SYT14: variants seen among roughly 807,000 people sequenced by gnomAD.
SYT14 encodes synaptotagmin-14.
A neutral mutation model predicts 74.2 loss-of-function variants in SYT14; 32 were observed. The ratio of observed to expected loss-of-function variants is 0.43; its 90% CI spans 0.33 to 0.58. The LOEUF (loss-of-function observed/expected upper bound fraction) is 0.58. Ranked by LOEUF, SYT14 falls within the 20% of genes least tolerant of loss-of-function variation. The pLI is 0.05. For missense variants in SYT14, 791 were observed against 981.8 expected (o/e 0.81, Z 2.60); for synonymous variants, 298 against 337.7 (o/e 0.88, Z 1.29).
At chr1:210,061,705 A>G (rs1020909827) in intron 5 of SYT14, among the ~76,000 whole-genome samples, 25 of 151,920 alleles carry the variant, frequency 1.6e-4, no homozygotes, top group African/African-American at 6.0e-4. Flanking sequence ...AGGAATTTAA[A>G]TGAAACTAAC....
chr1:210,085,326 A>G (rs1558179082), intron 5 of SYT14, among the ~76,000 whole-genome samples: 1 of 152,186 alleles, frequency 6.6e-6, no homozygotes, highest in East Asian at 1.9e-4. Context: ...TCTGAGACTA[A>G]TGACTGTTAT....
intron 6 of SYT14, among the ~76,000 whole-genome samples, chr1:210,099,537 G>A (rs937258134): frequency 6.6e-6 from 1 of 152,004 alleles, no homozygotes; most frequent in African/African-American, 2.4e-5. Context: ...TTTTATTACA[G>A]ATGGGGGTGT....
At chr1:209,969,143 C>A (rs1233306056) in intron 2 of SYT14, among the ~76,000 whole-genome samples, 1 of 152,082 alleles carries the variant, frequency 6.6e-6, no homozygotes, top group Non-Finnish European at 1.5e-5. Context: ...ATTCAATCCA[C>A]TGTTGATGGG....
At chr1:210,136,360 C>G (rs1272326732) in intron 7 of SYT14, among the ~76,000 whole-genome samples, 2 of 151,988 alleles carry the variant, frequency 1.3e-5, no homozygotes, top group Non-Finnish European at 2.9e-5. Context: ...GAGAATGGAA[C>G]TGGGTCAGCT....
intron 4 of SYT14, 49 bp from the exon 4 acceptor site, chr1:210,020,990 G>T (rs1257085554): frequency 1.9e-6 from 3 of 1,552,522 alleles, no homozygotes; most frequent in African/African-American, 2.7e-5. Flanking sequence ...GGTGAGGGGA[G>T]GGAATTTTTT....
intron 5 of SYT14, among the ~76,000 whole-genome samples, chr1:210,068,310 A>G (rs1373744577): frequency 6.6e-6 from 1 of 151,764 alleles, no homozygotes; most frequent in Non-Finnish European, 1.5e-5. Context: ...TCTTTTGATT[A>G]CCTCTTGTGT....
chr1:209,967,992 A>C (rs932652112), intron 2 of SYT14, among the ~76,000 whole-genome samples: 1 of 152,174 alleles, frequency 6.6e-6, no homozygotes, highest in African/African-American at 2.4e-5. Context: ...TTTTTTAAAA[A>C]AATCAGTATA....
chr1:210,032,409 G>A (rs2080559253), intron 5 of SYT14, among the ~76,000 whole-genome samples: 1 of 151,910 alleles, frequency 6.6e-6, no homozygotes, highest in African/African-American at 2.4e-5. Context: ...CCCACACCAG[G>A]TATCTCTTAC....
chr1:210,043,120 GAATGGGAGTTCACT>G (rs2080824478), intron 5 of SYT14, among the ~76,000 whole-genome samples: 1 of 152,150 alleles, frequency 6.6e-6, no homozygotes, highest in African/African-American at 2.4e-5. Flanking sequence ...TAGCAGTTGT[GAATGGGAGTTCACT>G]CATGATTTGG....
intron 7 of SYT14, among the ~76,000 whole-genome samples, chr1:210,112,115 G>A (rs2082274686): frequency 6.6e-6 from 1 of 151,310 alleles, no homozygotes; most frequent in South Asian, 2.1e-4. Context: ...AGAAATGACT[G>A]CAGTGGCTTT....
At chr1:210,162,294 C>G (rs530622070) in exon 10 of SYT14, 2 of 440,598 alleles carry the variant, frequency 4.5e-6, no homozygotes, top group East Asian at 1.4e-4. Context: ...CAAAATTAAG[C>G]CTTCGATTTT....
At chr1:210,010,294 A>ACATT (rs1253908070) in intron 2 of SYT14, among the ~76,000 whole-genome samples, 6 of 152,120 alleles carry the variant, frequency 3.9e-5, no homozygotes, top group Admixed American at 6.5e-5. Context: ...GAATACACAT[A>ACATT]CATTCATTCA....
Position 210,016,970 on chromosome 1 carries a change from CAAAT to C in SYT14, c.972_975del (p.Asn325GlnfsTer7). The C allele has an allele frequency of 8.1e-7, 1 of 1,231,650 alleles. No individual in the cohort carries two copies. Among genetic ancestry groups the C allele is most frequent in the Non-Finnish European group, 1.0e-6 (1 of 987,760 alleles). The allele number at this position is 1,231,650 out of a possible 1,614,324, so 76.3% of individuals were successfully genotyped here. A position where few individuals can be genotyped will look rare whatever the true frequency, so the allele number is the denominator to read the frequency against. On this transcript the variant is annotated frameshift_variant, in exon 4 of 10. Transcript: ENST00000637265. LOFTEE classifies it high-confidence loss of function. ...TAAGTTATCTGGGAAAATTGAAGAA[CAAAT>C]AAATTCAACGAAATACTGTAAAGTG...
At chr1:209,977,631 C>T (rs2079393209) in intron 2 of SYT14, among the ~76,000 whole-genome samples, 1 of 152,118 alleles carries the variant, frequency 6.6e-6, no homozygotes, top group Non-Finnish European at 1.5e-5. Flanking sequence ...CTCTGGCTGC[C>T]CTTAACATTT....
At chr1:210,122,704 G>A (rs1278538571) in intron 7 of SYT14, among the ~76,000 whole-genome samples, 1 of 151,792 alleles carries the variant, frequency 6.6e-6, no homozygotes, top group Non-Finnish European at 1.5e-5. Flanking sequence ...TTTGCCTCCT[G>A]TAGTTTGCTT....
At chr1:209,981,290 G>A (rs1228999938) in intron 2 of SYT14, among the ~76,000 whole-genome samples, 1 of 152,022 alleles carries the variant, frequency 6.6e-6, no homozygotes, top group Non-Finnish European at 1.5e-5. Context: ...ATTCCATTAA[G>A]GATCTCTTGT....
At chr1:210,138,300 G>A (rs1254419548) in intron 7 of SYT14, among the ~76,000 whole-genome samples, 1 of 152,140 alleles carries the variant, frequency 6.6e-6, no homozygotes, top group Non-Finnish European at 1.5e-5. Context: ...GATCTCATGA[G>A]ACTTATTTAC....
intron 2 of SYT14, among the ~76,000 whole-genome samples, chr1:209,954,157 G>T (rs570527531): frequency 2.0e-5 from 3 of 152,330 alleles, no homozygotes; most frequent in African/African-American, 7.2e-5. Context: ...CAGGTGAAAA[G>T]AGAATCAAAA....
At chr1:210,161,346 A>T (rs942163027) in exon 10 of SYT14, 1 of 496,776 alleles carries the variant, frequency 2.0e-6, no homozygotes. Context: ...CAAAAGAGCC[A>T]GTCATTTTAT....
Sources: allele counts gnomAD v4.1 joint callset (sites outside exome capture counted in the v4.1 genomes callset), GRCh38; gene constraint gnomAD v4.1.1; transcripts MANE v1.5; gene names NCBI Gene and HGNC (gene_info 2026-07-23, HGNC 2026-07-21).